The following ROBO2 variants were observed in gnomAD, a reference collection of about 807,000 sequenced individuals.
ROBO2 encodes roundabout guidance receptor 2, also known as roundabout homolog 2.
A neutral mutation model predicts 160.8 loss-of-function variants in ROBO2; 53 were observed. The ratio of observed to expected loss-of-function variants is 0.33; its 90% CI spans 0.26 to 0.41. The LOEUF (loss-of-function observed/expected upper bound fraction) is 0.41. Among genes scored for constraint, ROBO2 ranks in the 10% least tolerant of loss-of-function variants. The probability of loss-of-function intolerance (pLI) is 1.00; values close to 1 mark genes in which losing one functional copy is unlikely to be tolerated. For synonymous variants in ROBO2, 664 were observed against 611.7 expected (o/e 1.09, Z -1.26); for missense variants, 1,577 against 1,722.4 (o/e 0.92, Z 1.49).
At chr3:75,999,309 T>G (rs1454571147) in intron 2 of ROBO2, among the ~76,000 whole-genome samples, 1 of 152,168 alleles carries the variant, frequency 6.6e-6, no homozygotes, top group Non-Finnish European at 1.5e-5. Flanking sequence ...CTGTTCTAAG[T>G]TAGAATCTCT....
At chr3:77,414,684 G>A (rs2077069767) in intron 2 of ROBO2, among the ~76,000 whole-genome samples, 1 of 152,126 alleles carries the variant, frequency 6.6e-6, no homozygotes, top group Non-Finnish European at 1.5e-5. Flanking sequence ...GGGTGAAGGA[G>A]GTAGATAAGC....
chr3:77,116,344 C>A (rs1272077895), intron 2 of ROBO2, among the ~76,000 whole-genome samples: 1 of 152,140 alleles, frequency 6.6e-6, no homozygotes, highest in Non-Finnish European at 1.5e-5. Flanking sequence ...ATGGGCTTGT[C>A]ATGTAACTGT....
intron 2 of ROBO2, among the ~76,000 whole-genome samples, chr3:77,140,140 T>A (rs897867578): frequency 2.6e-5 from 4 of 152,216 alleles, no homozygotes; most frequent in Admixed American, 2.6e-4. Context: ...GCGTCCTGAT[T>A]GAATGCAAAT....
At chr3:77,159,886 T>A (rs189309264) in intron 2 of ROBO2, among the ~76,000 whole-genome samples, 1 of 152,302 alleles carries the variant, frequency 6.6e-6, no homozygotes, top group East Asian at 1.9e-4. Context: ...ATCCTTTATC[T>A]TTGAAGTTTC....
At chr3:77,453,019 C>A (rs2081278013) in intron 2 of ROBO2, among the ~76,000 whole-genome samples, 1 of 152,120 alleles carries the variant, frequency 6.6e-6, no homozygotes, top group African/African-American at 2.4e-5. Flanking sequence ...ACATGGCTGA[C>A]ATTTCCCCAA....
chr3:77,640,851 A>T (rs2095341434), intron 24 of ROBO2, among the ~76,000 whole-genome samples: 1 of 152,208 alleles, frequency 6.6e-6, no homozygotes, highest in South Asian at 2.1e-4. Context: ...AAAATATACA[A>T]ACTCCAAGGA....
intron 2 of ROBO2, among the ~76,000 whole-genome samples, chr3:77,164,740 A>G (rs9846360): frequency 0.016 from 331 of 20,792 alleles, 48 homozygotes; most frequent in Admixed American, 0.044. Context: ...CCGGCCAGCC[A>G]CCCCGTCCGG....
chr3:77,454,423 C>A (rs11127596), intron 2 of ROBO2, among the ~76,000 whole-genome samples: 1 of 151,888 alleles, frequency 6.6e-6, no homozygotes. Context: ...CATTTGCAAT[C>A]AAAACTCTCT....
chr3:76,890,049 A>C (rs886190414), intron 2 of ROBO2, among the ~76,000 whole-genome samples: 8 of 152,012 alleles, frequency 5.3e-5, no homozygotes, highest in African/African-American at 1.9e-4. Context: ...CTTTCCTTTC[A>C]CTCTGCGTGT....
At chr3:77,318,820 T>G (rs1252060957) in intron 2 of ROBO2, among the ~76,000 whole-genome samples, 1 of 152,200 alleles carries the variant, frequency 6.6e-6, no homozygotes, top group Non-Finnish European at 1.5e-5. Flanking sequence ...ATACTATGAT[T>G]GAGAAATTAA....
intron 2 of ROBO2, among the ~76,000 whole-genome samples, chr3:76,760,157 A>G (rs180730468): frequency 2.8e-4 from 43 of 151,970 alleles, no homozygotes; most frequent in Admixed American, 2.2e-3. Context: ...AGCTCCCTCA[A>G]AGGTTTGATG....
chr3:76,015,628 T>C (rs184172215), intron 2 of ROBO2, among the ~76,000 whole-genome samples: 4 of 152,324 alleles, frequency 2.6e-5, no homozygotes, highest in African/African-American at 7.2e-5. Context: ...GGATTTTTAG[T>C]TTAAAATTTA....
At chr3:77,571,006 A>C (rs2093624680) in intron 13 of ROBO2, among the ~76,000 whole-genome samples, 1 of 152,174 alleles carries the variant, frequency 6.6e-6, no homozygotes, top group Admixed American at 6.6e-5. Context: ...CAAAAATGAT[A>C]AGAAACCTGC....
At chr3:77,355,493 T>C (rs1560607483) in intron 2 of ROBO2, among the ~76,000 whole-genome samples, 1 of 152,112 alleles carries the variant, frequency 6.6e-6, no homozygotes, top group African/African-American at 2.4e-5. Context: ...GAGGTGATTG[T>C]AGCAGGTGAA....
intron 2 of ROBO2, among the ~76,000 whole-genome samples, chr3:76,923,101 G>C (rs1006186446): frequency 3.3e-5 from 5 of 152,182 alleles, no homozygotes; most frequent in African/African-American, 1.2e-4. Flanking sequence ...CAAGGGCAGA[G>C]TATATGGGCT....
rs1560218997 is a variant in ROBO2 at position 76,603,350 on chromosome 3, A to T, written c.110-494664A>T. ...CCATCTCCAAAAAAAAAAAAAAAAA[A>T]AATATATATATATATATATATATAT... is the stretch of plus-strand genomic sequence containing the variant. On this transcript the variant is annotated intron_variant, in intron 2 of 26. Coordinates refer to the ROBO2 transcript ENST00000487694. 2.3e-3 allele frequency among the ~76,000 whole-genome samples: 144 copies of T among 63,242 alleles called. 2 individuals carry two copies. Among genetic ancestry groups the T allele is most frequent in the African/African-American group, 0.01 (141 of 13,692 alleles). 41.5% of individuals were successfully genotyped at this position (63,242 alleles called of 152,430 possible). A position where few individuals can be genotyped will look rare whatever the true frequency, so the allele number is the denominator to read the frequency against.
chr3:76,547,340 CCT>C (rs1445502791), intron 2 of ROBO2, among the ~76,000 whole-genome samples: 1 of 151,894 alleles, frequency 6.6e-6, no homozygotes, highest in Non-Finnish European at 1.5e-5. Flanking sequence ...TCACTGGCCC[CCT>C]GATAAAAACA....
chr3:76,948,579 A>AT (rs757654181), intron 2 of ROBO2, among the ~76,000 whole-genome samples: 5,931 of 93,648 alleles, frequency 0.063, 602 homozygotes, highest in African/African-American at 0.14. Flanking sequence ...TTATAATCTA[A>AT]TTTTTTTTTT....
chr3:76,454,216 A>G (rs1350833316), intron 2 of ROBO2, among the ~76,000 whole-genome samples: 1 of 152,182 alleles, frequency 6.6e-6, no homozygotes, highest in Non-Finnish European at 1.5e-5. Flanking sequence ...CACACACCAT[A>G]ACAGATTTGT....
Sources: gnomAD v4.1 joint callset for allele counts (sites outside exome capture counted in the v4.1 genomes callset) on GRCh38, gnomAD v4.1.1 for gene constraint, MANE v1.5 for transcripts, NCBI Gene and HGNC (gene_info 2026-07-23, HGNC 2026-07-21) for gene names.